The following UBXN4 variants were observed in gnomAD, a reference collection of about 807,000 sequenced individuals.
UBXN4 encodes the protein UBX domain-containing protein 4.
In UBXN4, 35 loss-of-function variants were observed where a neutral mutation model predicts 66.2. That is an observed-to-expected ratio of 0.53 (90% CI 0.40 to 0.70). UBXN4 has a LOEUF of 0.70. Among genes scored for constraint, UBXN4 ranks in the 30% least tolerant of loss-of-function variants. The pLI is 0.00. For synonymous variants in UBXN4, 203 were observed against 204.5 expected (o/e 0.99, Z 0.06); for missense variants, 533 against 599.8 (o/e 0.89, Z 1.16).
At chr2:135,745,875 C>CTTTTCTTTTTTTTT (rs2077204332) in intron 1 of UBXN4, among the ~76,000 whole-genome samples, 2 of 74,396 alleles carry the variant, frequency 2.7e-5, no homozygotes, top group Non-Finnish European at 4.7e-5. Flanking sequence ...GTCCCGTTTA[C>CTTTTCTTTTTTTTT]TTTTTTTTTT....
chr2:135,782,024 G>A (rs1276904978), intron 12 of UBXN4, among the ~76,000 whole-genome samples: 3 of 152,186 alleles, frequency 2.0e-5, no homozygotes, highest in Non-Finnish European at 2.9e-5. Flanking sequence ...GTAGTGAACC[G>A]TGATCGTGCC....
intron 8 of UBXN4, among the ~76,000 whole-genome samples, 175 bp downstream of exon 8, chr2:135,770,910 T>G (rs1187664256): frequency 6.6e-6 from 1 of 152,190 alleles, no homozygotes; most frequent in East Asian, 1.9e-4. Flanking sequence ...TAAAATTGAG[T>G]TGATTTTTTT....
At chr2:135,771,632 G>T (rs1674198777) in intron 8 of UBXN4, among the ~76,000 whole-genome samples, 1 of 152,106 alleles carries the variant, frequency 6.6e-6, no homozygotes, top group Non-Finnish European at 1.5e-5. Flanking sequence ...GCGCAATCTT[G>T]GCTCACTGCA....
At chr2:135,756,935 T>TC (rs2077281980) in intron 5 of UBXN4, among the ~76,000 whole-genome samples, 1 of 152,206 alleles carries the variant, frequency 6.6e-6, no homozygotes, top group African/African-American at 2.4e-5. Flanking sequence ...TTCTGATTGT[T>TC]CCCCCCTGTA....
At chr2:135,756,153 A>C (rs2077277762) in intron 5 of UBXN4, among the ~76,000 whole-genome samples, 1 of 152,196 alleles carries the variant, frequency 6.6e-6, no homozygotes, top group Non-Finnish European at 1.5e-5. Flanking sequence ...TAGAAGTAAG[A>C]GGTGTGACTG....
chr2:135,783,516 C>G lies in UBXN4; in HGVS notation c.*629C>G, dbSNP rs1054098733. ...ATTTTTTTTTTTCCCCAGTATTGCCCTGGAGCTGTCTCTGGAAAGTAGCTG... is the reference window on the plus strand; with the variant it reads ...ATTTTTTTTTTTCCCCAGTATTGCCGTGGAGCTGTCTCTGGAAAGTAGCTG... On this transcript the variant is annotated 3_prime_UTR_variant, in exon 13 of 13. Coordinates refer to ENST00000272638, the MANE Select transcript of UBXN4 (RefSeq NM_014607.4). 4.6e-5 allele frequency: 7 copies of G among 151,444 alleles called. No homozygotes were observed. Among genetic ancestry groups the G allele is most frequent in the African/African-American group, 1.7e-4 (7 of 41,146 alleles). The allele number at this position is 151,444 out of a possible 1,614,324, so 9.4% of individuals were successfully genotyped here. A position where few individuals can be genotyped will look rare whatever the true frequency, so the allele number is the denominator to read the frequency against.
intron 6 of UBXN4, among the ~76,000 whole-genome samples, chr2:135,764,433 A>C (rs1424448992): frequency 1.3e-5 from 2 of 152,210 alleles, no homozygotes; most frequent in African/African-American, 4.8e-5. Context: ...ACATAATTAA[A>C]AAAAAACGGA....
intron 10 of UBXN4, among the ~76,000 whole-genome samples, chr2:135,776,656 C>G (rs992213918): frequency 6.6e-6 from 1 of 152,192 alleles, no homozygotes; most frequent in Non-Finnish European, 1.5e-5. Context: ...TGCAGTGGTG[C>G]GATCACAGCT....
intron 2 of UBXN4, among the ~76,000 whole-genome samples, chr2:135,751,921 C>G (rs1405859233): frequency 6.6e-6 from 1 of 152,162 alleles, no homozygotes; most frequent in Non-Finnish European, 1.5e-5. Flanking sequence ...AATTCTCTCT[C>G]CCATCCCTGA....
chr2:135,769,202 A>C (rs115690847), intron 6 of UBXN4, among the ~76,000 whole-genome samples: 2 of 151,946 alleles, frequency 1.3e-5, no homozygotes, highest in Non-Finnish European at 1.5e-5. Flanking sequence ...GAGTTTTGCC[A>C]TGTTGCTCAA....
chr2:135,783,881 G>A lies in UBXN4; in HGVS notation c.*994G>A, dbSNP rs2077468216. The stretch of plus-strand genomic sequence containing the variant: ...TTACTTTATCCGTATGTCTTTGTTA[G>A]TGGAGACCGCTAAACTAATGATGTT... On this transcript the variant is annotated 3_prime_UTR_variant, in exon 13 of 13. Coordinates refer to ENST00000272638, the MANE Select transcript of UBXN4 (RefSeq NM_014607.4). 1 of 152,162 alleles carries A rather than the reference G, an allele frequency of 6.6e-6. No homozygotes were observed. Among genetic ancestry groups the A allele is most frequent in the Admixed American group, 6.5e-5 (1 of 15,274 alleles). 9.4% of individuals were successfully genotyped at this position (152,162 alleles called of 1,614,324 possible).
At position 135,763,439 on chromosome 2, in the gene UBXN4, T is replaced by C. The variant is rs1028185395; in HGVS notation, c.602+1528T>C. 3.9e-5 allele frequency among the ~76,000 whole-genome samples: 6 copies of C among 152,264 alleles called. No individual in the cohort carries two copies. The East Asian group carries it at 1.2e-3, about 29-fold the overall frequency. Reference sequence around the variant, plus strand: ...TGTGTAATCTGATATTTTAGAATTATATGAAGTTCTATAAAGCAAAATTCA... The same window carrying C: ...TGTGTAATCTGATATTTTAGAATTACATGAAGTTCTATAAAGCAAAATTCA... On this transcript the variant is annotated intron_variant, in intron 6 of 12. Coordinates refer to ENST00000272638, the MANE Select transcript of UBXN4 (RefSeq NM_014607.4).
intron 6 of UBXN4, among the ~76,000 whole-genome samples, chr2:135,762,535 A>G (rs1439323589): frequency 1.3e-5 from 2 of 152,224 alleles, no homozygotes; most frequent in African/African-American, 4.8e-5. Context: ...TTTTTTAAAA[A>G]AACCTTCCTT....
chr2:135,780,115 C>A, intron 11 of UBXN4, 68 bp from the exon 12 acceptor site: 1 of 1,502,174 alleles, frequency 6.7e-7, no homozygotes, highest in Non-Finnish European at 9.2e-7. Flanking sequence ...AAAGTTTCAT[C>A]TGGAACCTTG....
intron 1 of UBXN4, 33 bp from the exon 2 acceptor site, chr2:135,748,234 G>T: frequency 1.3e-6 from 2 of 1,499,558 alleles, no homozygotes; most frequent in Non-Finnish European, 1.8e-6. Flanking sequence ...GCAGATCCCA[G>T]CCTGGTATAA....
At chr2:135,774,367 C>G (rs893142202) in intron 9 of UBXN4, among the ~76,000 whole-genome samples, 2 of 151,976 alleles carry the variant, frequency 1.3e-5, no homozygotes, top group Admixed American at 1.3e-4. Context: ...AATGGATCAT[C>G]TACCAAAAAG....
chr2:135,781,143 C>T (rs989308088), intron 12 of UBXN4, among the ~76,000 whole-genome samples: 2 of 152,154 alleles, frequency 1.3e-5, no homozygotes, highest in African/African-American at 4.8e-5. Context: ...CACTTGAGCC[C>T]GGGAGATTGA....
At chr2:135,769,903 C>CCTA in intron 7 of UBXN4, 80 bp downstream of exon 7, 1 of 1,239,918 alleles carries the variant, frequency 8.1e-7, no homozygotes, top group African/African-American at 1.5e-5. Context: ...GTGTGGCAGG[C>CCTA]CTAGGGTGAC....
chr2:135,781,552 G>T (rs11684545), intron 12 of UBXN4, among the ~76,000 whole-genome samples: 80,583 of 152,028 alleles, frequency 0.53, 25,545 homozygotes, highest in Non-Finnish European at 0.73. Flanking sequence ...TGTGTTTATG[G>T]ATTCCATAGG....
Sources: gnomAD v4.1 joint callset for allele counts (sites outside exome capture counted in the v4.1 genomes callset) on GRCh38, gnomAD v4.1.1 for gene constraint, MANE v1.5 for transcripts, NCBI Gene and HGNC (gene_info 2026-07-23, HGNC 2026-07-21) for gene names.